Variants in ASAP1 observed in about 807,000 individuals in gnomAD.
The protein encoded by ASAP1 is arf-GAP with SH3 domain, ANK repeat and PH domain-containing protein 1.
Under a neutral mutation model 145.2 loss-of-function variants are expected in ASAP1, and 43 were observed. That is an observed-to-expected ratio of 0.30 (90% CI 0.23 to 0.38). The LOEUF (loss-of-function observed/expected upper bound fraction) is 0.38, where lower values mean the gene tolerates loss of function less well. Among genes scored for constraint, ASAP1 ranks in the 10% least tolerant of loss-of-function variants. The pLI, the probability that ASAP1 is intolerant of heterozygous loss-of-function variation, is 1.00. For missense variants in ASAP1, 1,018 were observed against 1,355.3 expected, an observed-to-expected ratio of 0.75 and a Z score of 3.91; for synonymous variants, 546 against 515.5, an observed-to-expected ratio of 1.06 and a Z score of -0.80.
rs114778949 is a variant in ASAP1 at position 130,205,138 on chromosome 8, G to A, written c.405+9418C>T. ...TCAATGAAACTTTGCTCCAATAAGC[G>A]ATGGTTTTTCTTCTCCCTTCTCCAC... is the stretch of plus-strand genomic sequence containing the variant. On this transcript the variant is annotated intron_variant, in intron 5 of 29. Transcript: ENST00000518721. Among the ~76,000 whole-genome samples the A allele has an allele frequency of 3.9e-5, 6 of 152,082 alleles. No homozygotes were observed. The South Asian group carries it at 8.3e-4, about 21-fold the overall frequency.
rs545307198 is a variant in ASAP1 at position 130,061,741 on chromosome 8, T to C, written c.2702-672A>G. On this transcript the variant is annotated intron_variant, in intron 27 of 29. Transcript: ENST00000518721. Reference sequence around the variant, plus strand: ...AAAACCATACAAGGGATACATAGTCTGAAACTTTGCTTTTCTCCCACTTAC... The same window carrying C: ...AAAACCATACAAGGGATACATAGTCCGAAACTTTGCTTTTCTCCCACTTAC... 2.6e-5 allele frequency among the ~76,000 whole-genome samples: 4 copies of C among 152,368 alleles called. No individual in the cohort carries two copies. In the East Asian group the frequency reaches 7.7e-4, roughly 29 times the overall value.
chr8:130,274,954 AT>A (rs1467671210), intron 3 of ASAP1, among the ~76,000 whole-genome samples: 1 of 152,210 alleles, frequency 6.6e-6, no homozygotes, highest in Non-Finnish European at 1.5e-5. Context: ...AACAGAAACC[AT>A]TTAGTGAGAC....
At chr8:130,279,815 C>A (rs999831970) in intron 3 of ASAP1, among the ~76,000 whole-genome samples, 7 of 151,906 alleles carry the variant, frequency 4.6e-5, no homozygotes, top group Admixed American at 3.3e-4. Context: ...AACCGGTCCA[C>A]TAAAATAGTT....
intron 24 of ASAP1, among the ~76,000 whole-genome samples, chr8:130,096,092 G>A (rs2097517237): frequency 6.6e-6 from 1 of 152,144 alleles, no homozygotes; most frequent in South Asian, 2.1e-4. Flanking sequence ...TCTTGTAGTA[G>A]AAGCTACAGA....
intron 27 of ASAP1, among the ~76,000 whole-genome samples, chr8:130,075,060 G>C: frequency 6.6e-6 from 1 of 152,218 alleles, no homozygotes. Flanking sequence ...ACTGGGAAGT[G>C]CTGGGGTCTG....
At chr8:130,361,606 G>C in intron 2 of ASAP1, 2 of 1,201,726 alleles carry the variant, frequency 1.7e-6, no homozygotes, top group South Asian at 2.6e-5. Flanking sequence ...TTGTGCTTTG[G>C]TAAGTATATA....
At chr8:130,243,825 T>C (rs553568529) in intron 3 of ASAP1, among the ~76,000 whole-genome samples, 3 of 152,214 alleles carry the variant, frequency 2.0e-5, no homozygotes, top group Admixed American at 1.3e-4. Flanking sequence ...TTACCCTCTC[T>C]TACTTCCTAG....
chr8:130,187,364 G>T, intron 6 of ASAP1, 79 bp from the exon 7 acceptor site: 1 of 1,215,392 alleles, frequency 8.2e-7, no homozygotes, highest in Non-Finnish European at 1.2e-6. Context: ...TGACATCTTA[G>T]CAAGAATTGT....
At chr8:130,229,799 A>G (rs1586641311) in intron 4 of ASAP1, among the ~76,000 whole-genome samples, 1 of 152,320 alleles carries the variant, frequency 6.6e-6, no homozygotes, top group East Asian at 1.9e-4. Flanking sequence ...CCAACGCTTT[A>G]GTAGGCAGAG....
chr8:130,428,656 A>C (rs1038665717), intron 1 of ASAP1, among the ~76,000 whole-genome samples: 1 of 148,488 alleles, frequency 6.7e-6, no homozygotes, highest in African/African-American at 2.5e-5. Context: ...CACCATCATC[A>C]CCATCCCCCC....
chr8:130,341,486 A>G (rs529354886), intron 3 of ASAP1, among the ~76,000 whole-genome samples: 77 of 152,336 alleles, frequency 5.1e-4, no homozygotes, highest in Non-Finnish European at 1.0e-3. Flanking sequence ...AACCTGGGAC[A>G]GAAAACTGCT....
chr8:130,409,694 C>T (rs976272039), intron 1 of ASAP1, among the ~76,000 whole-genome samples: 5 of 152,192 alleles, frequency 3.3e-5, no homozygotes, highest in African/African-American at 4.8e-5. Flanking sequence ...TGCCCCCAAC[C>T]GCCCGCCTCA....
intron 3 of ASAP1, among the ~76,000 whole-genome samples, chr8:130,298,876 G>A (rs1037073797): frequency 9.2e-5 from 14 of 152,116 alleles, no homozygotes; most frequent in African/African-American, 3.4e-4. Flanking sequence ...GTAAACTCCT[G>A]TTTATTCATA....
chr8:130,139,010 G>T (rs2097602610), intron 13 of ASAP1, among the ~76,000 whole-genome samples: 1 of 152,078 alleles, frequency 6.6e-6, no homozygotes, highest in African/African-American at 2.4e-5. Flanking sequence ...TCATATAAAT[G>T]ACAATGGCAT....
intron 27 of ASAP1, among the ~76,000 whole-genome samples, chr8:130,064,895 G>GTGTGTGTT (rs2097427314): frequency 1.5e-5 from 1 of 65,028 alleles, no homozygotes; most frequent in African/African-American, 4.8e-5. Flanking sequence ...TACTAAGAAT[G>GTGTGTGTT]TGTGTGTGTG....
At chr8:130,338,511 C>T (rs1410567956) in intron 3 of ASAP1, among the ~76,000 whole-genome samples, 1 of 152,204 alleles carries the variant, frequency 6.6e-6, no homozygotes, top group African/African-American at 2.4e-5. Flanking sequence ...CCTGACTACT[C>T]CCCAATAGCT....
At chr8:130,054,866 C>T in intron 29 of ASAP1, 61 bp from the exon 30 acceptor site, 1 of 1,390,522 alleles carries the variant, frequency 7.2e-7, no homozygotes, top group South Asian at 1.2e-5. Flanking sequence ...CACGACAAAC[C>T]CAGTGGGTAA....
intron 28 of ASAP1, 76 bp from the exon 29 acceptor site, chr8:130,058,152 G>A (rs2097408440): frequency 3.3e-6 from 5 of 1,537,156 alleles, no homozygotes; most frequent in Non-Finnish European, 4.5e-6. Context: ...TTTGTAAAAT[G>A]GTTGACCTTG....
At chr8:130,401,635 T>C (rs1388196905) in intron 2 of ASAP1, among the ~76,000 whole-genome samples, 1 of 152,182 alleles carries the variant, frequency 6.6e-6, no homozygotes, top group Non-Finnish European at 1.5e-5. Flanking sequence ...TCTTGACTTC[T>C]TATAGGCACC....
Sources: allele counts gnomAD v4.1 joint callset (sites outside exome capture counted in the v4.1 genomes callset), GRCh38; gene constraint gnomAD v4.1.1; transcripts MANE v1.5; gene names NCBI Gene and HGNC (gene_info 2026-07-23, HGNC 2026-07-21).